Variants in TUBA1C observed in about 807,000 individuals in gnomAD.
TUBA1C encodes the protein tubulin alpha 1c.
A neutral mutation model predicts 34.9 loss-of-function variants in TUBA1C; 16 were observed. The ratio of observed to expected loss-of-function variants is 0.46; its 90% CI spans 0.31 to 0.70. The LOEUF (loss-of-function observed/expected upper bound fraction) is 0.70. Ranked by LOEUF, TUBA1C falls within the 30% of genes least tolerant of loss-of-function variation. The pLI, the probability that TUBA1C is intolerant of heterozygous loss-of-function variation, is 0.05. For missense variants in TUBA1C, 329 were observed against 587.3 expected (o/e 0.56, Z 4.55); for synonymous variants, 177 against 215.9 (o/e 0.82, Z 1.58).
intron 1 of TUBA1C, among the ~76,000 whole-genome samples, chr12:49,257,044 G>C (rs1373282647): frequency 1.3e-5 from 2 of 151,722 alleles, no homozygotes; most frequent in Non-Finnish European, 2.9e-5. Flanking sequence ...GCTCGGCATG[G>C]TGGTGGGCGC....
At chr12:49,267,215 A>T (rs941915545) in intron 1 of TUBA1C, among the ~76,000 whole-genome samples, 7 of 152,244 alleles carry the variant, frequency 4.6e-5, no homozygotes, top group Non-Finnish European at 1.0e-4. Context: ...GCGGGCGCAA[A>T]ATAGAAACGG....
chr12:49,272,108 G>A (rs971136789), intron 3 of TUBA1C, 145 bp from the exon 4 acceptor site: 17 of 1,403,010 alleles, frequency 1.2e-5, no homozygotes, highest in East Asian at 7.3e-5. Context: ...GATTACAGGC[G>A]TGAGCCACTG....
intron 1 of TUBA1C, among the ~76,000 whole-genome samples, chr12:49,235,164 T>C (rs1239724298): frequency 6.6e-6 from 1 of 151,854 alleles, no homozygotes; most frequent in Non-Finnish European, 1.5e-5. Context: ...AAAAGTCTTT[T>C]AGACATCTCA....
In TUBA1C at chr12:49,273,686, GT is replaced by G. The variant is rs1215178502; in HGVS notation, c.*462del. 1 of 215,516 alleles carries G rather than the reference GT, an allele frequency of 4.6e-6. No homozygotes were observed. Among genetic ancestry groups the G allele is most frequent in the East Asian group, 1.1e-4 (1 of 8,776 alleles). 13.4% of individuals were successfully genotyped at this position (215,516 alleles called of 1,614,324 possible). A position where few individuals can be genotyped will look rare whatever the true frequency, so the allele number is the denominator to read the frequency against. The stretch of plus-strand genomic sequence containing the variant: ...GCATGAGCCACTGCCCAGCTTCTTG[GT>G]TTATCTGTTTAATTTGGGCCTGAAT... On this transcript the variant is annotated 3_prime_UTR_variant, in exon 4 of 4. Coordinates refer to ENST00000301072, the MANE Select transcript of TUBA1C (RefSeq NM_032704.5).
At chr12:49,270,470 T>G (rs1942976374) in intron 3 of TUBA1C, among the ~76,000 whole-genome samples, 1 of 152,196 alleles carries the variant, frequency 6.6e-6, no homozygotes, top group Admixed American at 6.5e-5. Context: ...CAGATGACTC[T>G]TTGCTCCTTA....
At chr12:49,259,833 T>C (rs1490203855) in intron 1 of TUBA1C, among the ~76,000 whole-genome samples, 1 of 152,220 alleles carries the variant, frequency 6.6e-6, no homozygotes, top group Admixed American at 6.5e-5. Flanking sequence ...CTTAGTGTAC[T>C]TGATAATGGC....
At chr12:49,248,602 G>C (rs1250213571) in intron 1 of TUBA1C, among the ~76,000 whole-genome samples, 1 of 151,104 alleles carries the variant, frequency 6.6e-6, no homozygotes, top group African/African-American at 2.4e-5. Context: ...GGTGGCCCAC[G>C]TCTGTAATCT....
At chr12:49,257,859 A>G (rs903478194) in intron 1 of TUBA1C, 2 of 192,032 alleles carry the variant, frequency 1.0e-5, no homozygotes, top group Non-Finnish European at 2.2e-5. Context: ...AAAAAAGTTT[A>G]CAATTTTTTT....
At chr12:49,245,317 A>G (rs1480168917) in intron 1 of TUBA1C, among the ~76,000 whole-genome samples, 1 of 152,152 alleles carries the variant, frequency 6.6e-6, no homozygotes, top group East Asian at 1.9e-4. Context: ...AATCTGAGAA[A>G]CAGCCAGGCA....
In TUBA1C at chr12:49,273,272, ATTT is replaced by A. The variant is rs767460326; in HGVS notation, c.*48_*50del. 7.4e-6 allele frequency: 12 copies of A among 1,613,902 alleles called. No homozygotes were observed. The highest frequency in any genetic ancestry group is 1.0e-5 in the Non-Finnish European group (12 of 1,180,000). Reference sequence around the variant, plus strand: ...CACTCCTTTGTCTTGGAACTGTCTTATTTTTGTTCTGTAAATGTCTATTGCCGT... The same window carrying A: ...CACTCCTTTGTCTTGGAACTGTCTTATTGTTCTGTAAATGTCTATTGCCGT... On this transcript the variant is annotated 3_prime_UTR_variant, in exon 4 of 4. Transcript: ENST00000301072.
At chr12:49,266,674 C>T (rs1942918408) in intron 1 of TUBA1C, among the ~76,000 whole-genome samples, 1 of 152,124 alleles carries the variant, frequency 6.6e-6, no homozygotes, top group South Asian at 2.1e-4. Context: ...CACGGTGAAA[C>T]TCCGTCTATA....
In TUBA1C at chr12:49,273,221, G is replaced by C. The variant is rs749647310; in HGVS notation, c.1344G>C (p.Glu448Asp). The C allele has an allele frequency of 6.2e-7, 1 of 1,614,200 alleles. No homozygotes were observed. Among genetic ancestry groups the C allele is most frequent in the Non-Finnish European group, 8.5e-7 (1 of 1,180,042 alleles). Residue 448 changes from glutamate to aspartate, a missense_variant, in exon 4 of 4, where the codon GAG becomes GAC. Glu to Asp is a conservative substitution (Grantham distance 45). Around this residue, in one of 4 missense-constraint regions of TUBA1C, gnomAD observed 34 missense variants for 31.8 expected, o/e 1.07. Coordinates refer to ENST00000301072, the MANE Select transcript of TUBA1C (RefSeq NM_032704.5). The part of the protein sequence containing the change: ...DSADGEDEGE[E>D]Y Reference sequence around the variant, plus strand: ...CTGACGGAGAGGATGAGGGTGAAGAGTATTAACCTGTGTGCTGTACTTTTA... The same window carrying C: ...CTGACGGAGAGGATGAGGGTGAAGACTATTAACCTGTGTGCTGTACTTTTA...
rs1315056556 is a variant in TUBA1C, at chr12:49,269,871, GCAACT to G, written c.273_277del (p.Gln91HisfsTer10). 12 of 1,614,042 alleles carry G rather than the reference GCAACT, an allele frequency of 7.4e-6. No homozygotes were observed. The highest frequency in any genetic ancestry group is 1.0e-5 in the Non-Finnish European group (12 of 1,180,030). ...CTTACCGCCAGCTCTTCCACCCTGA[GCAACT>G]CATCACAGGCAAGGAAGATGCTGCC... On this transcript the variant is annotated frameshift_variant, in exon 3 of 4. Coordinates refer to ENST00000301072, the MANE Select transcript of TUBA1C (RefSeq NM_032704.5). LOFTEE classifies it high-confidence loss of function.
intron 1 of TUBA1C, among the ~76,000 whole-genome samples, chr12:49,256,208 T>C (rs1318544511): frequency 6.6e-6 from 1 of 152,244 alleles, no homozygotes; most frequent in Non-Finnish European, 1.5e-5. Context: ...ACTGAGCAAG[T>C]GAGCATCAGC....
chr12:49,268,427 TAG>T (rs1284776487), intron 1 of TUBA1C, among the ~76,000 whole-genome samples: 1 of 151,508 alleles, frequency 6.6e-6, no homozygotes, highest in Non-Finnish European at 1.5e-5. Flanking sequence ...GTATTTTTAA[TAG>T]AGACAGTTTC....
Position 49,269,702 on chromosome 12 carries a change from G to A in TUBA1C, c.226+15G>A. ...CACAGTCATTGGTGAGTTGACCTCAGTAACCCAAGTGAGATCCCAGGGTGC... is the reference window on the plus strand; with the variant it reads ...CACAGTCATTGGTGAGTTGACCTCAATAACCCAAGTGAGATCCCAGGGTGC... On this transcript the variant is annotated intron_variant, in intron 2 of 3. Transcript: ENST00000301072. 1 of 1,613,676 alleles carries A rather than the reference G, an allele frequency of 6.2e-7. No individual in the cohort carries two copies. Among genetic ancestry groups the A allele is most frequent in the East Asian group, 2.2e-5 (1 of 44,880 alleles).
intron 1 of TUBA1C, among the ~76,000 whole-genome samples, chr12:49,237,372 C>T (rs549333127): frequency 2.6e-5 from 4 of 151,206 alleles, no homozygotes; most frequent in East Asian, 2.0e-4. Flanking sequence ...GAGCCGAGAT[C>T]GTGCCATTGC....
intron 3 of TUBA1C, among the ~76,000 whole-genome samples, chr12:49,270,821 AC>A (rs796550237): frequency 1.1e-4 from 17 of 152,274 alleles, no homozygotes; most frequent in Admixed American, 3.3e-4. Flanking sequence ...TACTAAAAAT[AC>A]AAAAAAATTA....
chr12:49,266,373 T>C (rs1942912532), intron 1 of TUBA1C, among the ~76,000 whole-genome samples: 1 of 151,146 alleles, frequency 6.6e-6, no homozygotes, highest in South Asian at 2.1e-4. Context: ...GAGCTTGCAG[T>C]GAGCCGAGAT....
Sources: allele counts gnomAD v4.1 joint callset (sites outside exome capture counted in the v4.1 genomes callset), GRCh38; gene constraint gnomAD v4.1.1; regional missense constraint gnomAD v4.1.1; transcripts MANE v1.5; gene names NCBI Gene and HGNC (gene_info 2026-07-23, HGNC 2026-07-21).